The following PDE7A variants were observed in gnomAD, a reference collection of about 807,000 sequenced individuals.
The protein encoded by PDE7A is phosphodiesterase 7A.
PDE7A carries 39 observed loss-of-function variants against 64.3 expected under a neutral mutation model. That is an observed-to-expected ratio of 0.61 (90% CI 0.47 to 0.79). The LOEUF (loss-of-function observed/expected upper bound fraction) is 0.79, where lower values mean the gene tolerates loss of function less well. Ranked by LOEUF, PDE7A falls within the 30% of genes least tolerant of loss-of-function variation. PDE7A has a pLI of 0.00. For synonymous variants in PDE7A, 203 were observed against 206.8 expected, an observed-to-expected ratio of 0.98 and a Z score of 0.16; for missense variants, 470 against 582.8, an observed-to-expected ratio of 0.81 and a Z score of 1.99.
chr8:65,832,624 A>G (rs1810859730), intron 1 of PDE7A, among the ~76,000 whole-genome samples: 1 of 152,114 alleles, frequency 6.6e-6, no homozygotes, highest in Non-Finnish European at 1.5e-5. Context: ...AGCTGGGACT[A>G]CAAGCACGTG....
chr8:65,736,886 G>T lies in PDE7A; in HGVS notation c.596-1992C>A, dbSNP rs533867297. ...TTTGGCTGTACATTCTTGGTATTGAGGCTTTTTTTTTTTTGAGATGGAGTC... is the reference window on the plus strand; with the variant it reads ...TTTGGCTGTACATTCTTGGTATTGATGCTTTTTTTTTTTTGAGATGGAGTC... On this transcript the variant is annotated intron_variant, in intron 6 of 12. Transcript: ENST00000401827. Among the ~76,000 whole-genome samples the T allele has an allele frequency of 2.0e-4, 26 of 127,646 alleles. 1 individual carries two copies. The South Asian group carries it at 5.3e-3, about 26-fold the overall frequency. 83.7% of individuals were successfully genotyped at this position (127,646 alleles called of 152,430 possible).
intron 2 of PDE7A, among the ~76,000 whole-genome samples, chr8:65,782,023 A>G (rs532922617): frequency 1.3e-5 from 2 of 152,346 alleles, no homozygotes; most frequent in East Asian, 1.9e-4. Flanking sequence ...TAAAAGTATG[A>G]AAAGGAATTA....
At chr8:65,774,658 T>C (rs1809206046) in intron 3 of PDE7A, among the ~76,000 whole-genome samples, 1 of 151,526 alleles carries the variant, frequency 6.6e-6, no homozygotes, top group African/African-American at 2.4e-5. Context: ...AATTTAAAAA[T>C]ATATAAAACA....
intron 1 of PDE7A, among the ~76,000 whole-genome samples, chr8:65,795,473 T>C (rs530561222): frequency 6.6e-6 from 1 of 152,272 alleles, no homozygotes; most frequent in East Asian, 1.9e-4. Flanking sequence ...AATACTAAGC[T>C]GAGTATGTGT....
At chr8:65,734,730 T>C (rs1807050744) in intron 7 of PDE7A, 64 bp downstream of exon 7, 2 of 889,684 alleles carry the variant, frequency 2.2e-6, no homozygotes, top group African/African-American at 1.6e-5. Context: ...AGGAGAAGTA[T>C]GTGAAAGTAA....
intron 7 of PDE7A, among the ~76,000 whole-genome samples, chr8:65,730,522 G>GT (rs1411852578): frequency 1.3e-5 from 2 of 152,070 alleles, no homozygotes; most frequent in Admixed American, 6.5e-5. Flanking sequence ...GATCTGAAGT[G>GT]TAACAGTTTC....
At chr8:65,789,915 A>G (rs1585920292) in intron 1 of PDE7A, among the ~76,000 whole-genome samples, 1 of 152,238 alleles carries the variant, frequency 6.6e-6, no homozygotes, top group African/African-American at 2.4e-5. Context: ...TGGAGTGTAC[A>G]TTAATCAAAT....
intron 5 of PDE7A, 30 bp from the exon 6 acceptor site, chr8:65,739,627 TAGGAAA>T: frequency 6.8e-7 from 1 of 1,470,142 alleles, no homozygotes; most frequent in Non-Finnish European, 9.0e-7. Flanking sequence ...ATTACATTAG[TAGGAAA>T]TACAAGTCAA....
intron 3 of PDE7A, among the ~76,000 whole-genome samples, chr8:65,774,099 C>T (rs533039913): frequency 1.3e-5 from 2 of 152,232 alleles, no homozygotes; most frequent in East Asian, 1.9e-4. Flanking sequence ...GTTTCTTTCC[C>T]CTCCCATCTC....
intron 10 of PDE7A, 116 bp from the exon 11 acceptor site, chr8:65,724,467 T>C: frequency 3.2e-6 from 2 of 633,874 alleles, no homozygotes; most frequent in East Asian, 5.6e-5. Flanking sequence ...GCCAGAAATA[T>C]AATTCTCCTA....
intron 1 of PDE7A, among the ~76,000 whole-genome samples, chr8:65,814,864 C>T (rs543593942): frequency 1.3e-5 from 2 of 151,972 alleles, no homozygotes; most frequent in African/African-American, 4.8e-5. Flanking sequence ...GATGGATCAC[C>T]TGAGGTCAGG....
Position 65,842,047 on chromosome 8 carries a change from G to A in PDE7A, c.-539C>T, listed in dbSNP as rs1020326164. 2 of 198,230 alleles carry A rather than the reference G, an allele frequency of 1.0e-5. No individual in the cohort carries two copies. The highest frequency in any genetic ancestry group is 2.4e-5 in the African/African-American group (1 of 41,330). The allele number at this position is 198,230 out of a possible 1,614,324, so 12.3% of individuals were successfully genotyped here. ...CCTGACTTCACTCCGCCGCCGGCGC[G>A]AGCCCGGCGTAATTCACACTTTGCA... On this transcript the variant is annotated 5_prime_UTR_variant, in exon 1 of 13. Transcript: ENST00000401827.
At chr8:65,734,462 G>A (rs184853117) in intron 7 of PDE7A, among the ~76,000 whole-genome samples, 3 of 152,284 alleles carry the variant, frequency 2.0e-5, no homozygotes, top group Admixed American at 2.0e-4. Context: ...CCTCCTCTCT[G>A]TAGCTCCTCA....
At chr8:65,772,500 C>A (rs910539701) in intron 3 of PDE7A, among the ~76,000 whole-genome samples, 1 of 152,052 alleles carries the variant, frequency 6.6e-6, no homozygotes, top group Non-Finnish European at 1.5e-5. Context: ...ATTCCTAATC[C>A]AAGGAACTTC....
intron 7 of PDE7A, among the ~76,000 whole-genome samples, chr8:65,729,981 A>G (rs2128894797): frequency 6.6e-6 from 1 of 151,794 alleles, no homozygotes; most frequent in African/African-American, 2.4e-5. Context: ...GGGCTCCTCA[A>G]TCCCCAGGCC....
intron 4 of PDE7A, among the ~76,000 whole-genome samples, chr8:65,747,444 C>A (rs1390950697): frequency 6.6e-6 from 1 of 152,094 alleles, no homozygotes; most frequent in Admixed American, 6.5e-5. Context: ...AACATTGTCA[C>A]TACTTTAGTT....
In PDE7A at chr8:65,784,962, A is replaced by G. The variant is rs563118437; in HGVS notation, c.139-2119T>C. On this transcript the variant is annotated intron_variant, in intron 1 of 12. Transcript: ENST00000401827. ...GGCATGGGATTTACAACTCCTCAAC[A>G]TATACCTACAAATCTCCAAAAAAAA... Among the ~76,000 whole-genome samples the G allele has an allele frequency of 2.1e-3, 315 of 152,222 alleles. 1 individual carries two copies. Among genetic ancestry groups the G allele is most frequent in the African/African-American group, 7.2e-3 (300 of 41,548 alleles).
intron 3 of PDE7A, among the ~76,000 whole-genome samples, chr8:65,769,781 T>C (rs909906527): frequency 6.6e-6 from 1 of 152,034 alleles, no homozygotes; most frequent in Non-Finnish European, 1.5e-5. Flanking sequence ...CCGTAATCCT[T>C]GCTACTCAGG....
At chr8:65,748,931 G>C (rs1195076612) in intron 3 of PDE7A, among the ~76,000 whole-genome samples, 1 of 152,146 alleles carries the variant, frequency 6.6e-6, no homozygotes, top group Non-Finnish European at 1.5e-5. Flanking sequence ...TTCTGAATCT[G>C]CTCATCTTGC....
Sources: gnomAD v4.1 joint callset for allele counts (sites outside exome capture counted in the v4.1 genomes callset) on GRCh38, gnomAD v4.1.1 for gene constraint, MANE v1.5 for transcripts, NCBI Gene and HGNC (gene_info 2026-07-23, HGNC 2026-07-21) for gene names.